NHSL2: variants seen among roughly 807,000 people sequenced by gnomAD.
NHSL2 encodes the protein NHS-like protein 2.
A neutral mutation model predicts 53.4 loss-of-function variants in NHSL2; 27 were observed. The observed-to-expected ratio is 0.51, with a 90% CI of 0.37 to 0.70. NHSL2 has a LOEUF of 0.70. NHSL2 is among the 30% of genes least tolerant of loss of function. The probability of loss-of-function intolerance (pLI) is 0.00; values close to 1 mark genes in which losing one functional copy is unlikely to be tolerated. For synonymous variants in NHSL2, 408 were observed against 404.1 expected (o/e 1.01, Z -0.12); for missense variants, 892 against 980.1 (o/e 0.91, Z 1.20).
chrX:72,063,434 A>G (rs1281892883), intron 1 of NHSL2, among the ~76,000 whole-genome samples: 1 of 112,006 alleles, frequency 8.9e-6, no homozygotes, highest in Non-Finnish European at 1.9e-5. Context: ...TTGATGAATG[A>G]TCACAAATTA....
intron 1 of NHSL2, among the ~76,000 whole-genome samples, chrX:71,953,296 C>G (rs2041829070): frequency 8.9e-6 from 1 of 112,145 alleles, no homozygotes. Context: ...ACCTGTGTCC[C>G]CCAGAGAGTG....
rs1376614627 is a variant in NHSL2 at position 72,138,783 on chromosome X, A to G, written c.1235A>G (p.Asn412Ser). 1 of 1,210,834 alleles carries G rather than the reference A, an allele frequency of 8.3e-7. No homozygotes were observed. The highest frequency in any genetic ancestry group is 3.0e-5 in the East Asian group (1 of 33,850). The change falls in exon 6 of 8, where the codon AAT becomes AGT. Residue 412 changes from asparagine to serine, a missense_variant. By Grantham distance (46) the Asn-to-Ser change is conservative (BLOSUM62 1). Transcript: ENST00000633930. ...PSATSQSNQVNENGKNPSCGN... is the reference protein window; with the variant it reads ...PSATSQSNQVSENGKNPSCGN... The stretch of plus-strand genomic sequence containing the variant: ...GCCACCAGCCAGAGCAATCAAGTCA[A>G]TGAAAATGGGAAAAATCCTTCCTGT...
At position 72,101,914 on chromosome X, in the gene NHSL2, G is replaced by A. The variant is rs1372073098; in HGVS notation, c.281-30165G>A. ...CTAGGAAGACAGAGCAGTGTCACAG[G>A]AAATCTAAGTCCCATGCACATGGTG... On this transcript the variant is annotated intron_variant, in intron 1 of 7. Transcript: ENST00000633930. 3.6e-5 allele frequency among the ~76,000 whole-genome samples: 4 copies of A among 111,627 alleles called. No individual in the cohort carries two copies. The East Asian group carries it at 1.1e-3, about 32-fold the overall frequency.
rs1347708656 is a variant in NHSL2 at position 71,970,095 on chromosome X, C to T, written c.280+58728C>T. 2.7e-5 allele frequency among the ~76,000 whole-genome samples: 3 copies of T among 111,814 alleles called. No individual in the cohort carries two copies. The South Asian group carries it at 1.1e-3, about 41-fold the overall frequency. On this transcript the variant is annotated intron_variant, in intron 1 of 7. Coordinates refer to ENST00000633930, the MANE Select transcript of NHSL2 (RefSeq NM_001013627.3). Reference sequence around the variant, plus strand: ...CAGATGTTAAACCAACTTAAAATTCCTGGGATAAATCTCTTTTGTTCATGT... The same window carrying T: ...CAGATGTTAAACCAACTTAAAATTCTTGGGATAAATCTCTTTTGTTCATGT...
chrX:72,086,679 AT>A (rs2041848307), intron 1 of NHSL2, among the ~76,000 whole-genome samples: 1 of 70,018 alleles, frequency 1.4e-5, no homozygotes, highest in African/African-American at 6.0e-5. Flanking sequence ...GTGAAACTCC[AT>A]CTCAAAAAAA....
intron 1 of NHSL2, among the ~76,000 whole-genome samples, chrX:72,019,745 C>G (rs2042151416): frequency 8.9e-6 from 1 of 111,931 alleles, no homozygotes; most frequent in Admixed American, 9.4e-5. Flanking sequence ...CCTCAGAGTT[C>G]TCACCTCTCT....
intron 1 of NHSL2, among the ~76,000 whole-genome samples, chrX:72,094,702 C>A (rs755807115): frequency 9.0e-6 from 1 of 111,093 alleles, no homozygotes; most frequent in Non-Finnish European, 1.9e-5. Flanking sequence ...GGATCTATTG[C>A]TTGAGTAACC....
At chrX:71,936,278 C>G (rs958802783) in intron 1 of NHSL2, among the ~76,000 whole-genome samples, 2 of 112,150 alleles carry the variant, frequency 1.8e-5, no homozygotes, top group Admixed American at 9.4e-5. Context: ...TTCCCCTGCT[C>G]TCTCCTGCTC....
chrX:72,125,556 G>C (rs1002710227), intron 1 of NHSL2, among the ~76,000 whole-genome samples: 1 of 111,843 alleles, frequency 8.9e-6, no homozygotes, highest in Non-Finnish European at 1.9e-5. Flanking sequence ...TGGAATCCAG[G>C]GTTCTTTTCC....
At chrX:71,922,675 A>G (rs2041665742) in intron 1 of NHSL2, among the ~76,000 whole-genome samples, 1 of 112,384 alleles carries the variant, frequency 8.9e-6, no homozygotes, top group Non-Finnish European at 1.9e-5. Context: ...AGGCTTCAGC[A>G]TCTTCAGAGG....
Position 71,945,126 on chromosome X carries a change from G to A in NHSL2, c.280+33759G>A, listed in dbSNP as rs184246000. 6.2e-3 allele frequency among the ~76,000 whole-genome samples: 696 copies of A among 112,164 alleles called. 6 individuals are homozygous for A. Among genetic ancestry groups the A allele is most frequent in the Non-Finnish European group, 9.1e-3 (482 of 53,223 alleles). On this transcript the variant is annotated intron_variant, in intron 1 of 7. Coordinates refer to ENST00000633930, the MANE Select transcript of NHSL2 (RefSeq NM_001013627.3). ...TTGAATGCCAACTCTGAGGCAGTTG[G>A]GGGGGTCATCCGTTGGGGAGTCCAG...
At position 72,148,285 on chromosome X, in the gene NHSL2, G is replaced by T. The variant is rs188116337; in HGVS notation, c.*4711G>T. On this transcript the variant is annotated 3_prime_UTR_variant, in exon 8 of 8. Transcript: ENST00000633930. ...AATCCATGTCCAATCAATGTCAGTC[G>T]TCCAGTATTGGTGGTGATTATTAAA... The T allele has an allele frequency of 7.1e-4, 80 of 111,960 alleles. No homozygotes were observed. The highest frequency in any genetic ancestry group is 2.5e-3 in the African/African-American group (78 of 30,872). 9.2% of individuals were successfully genotyped at this position (111,960 alleles called of 1,213,427 possible).
rs985831777 is a variant in NHSL2, at chrX:72,031,312, A to G, written c.281-100767A>G. Among the ~76,000 whole-genome samples, 10 of 111,054 alleles carry G rather than the reference A, an allele frequency of 9.0e-5. No homozygotes were observed. The South Asian group carries it at 1.5e-3, about 17-fold the overall frequency. ...CACACCTGTTTTGGATCCTGGTTCC[A>G]CCTCTTCCATGCTGTGTGATCTTGG... On this transcript the variant is annotated intron_variant, in intron 1 of 7. Coordinates refer to ENST00000633930, the MANE Select transcript of NHSL2 (RefSeq NM_001013627.3).
chrX:72,114,270 G>A (rs2042117895), intron 1 of NHSL2, among the ~76,000 whole-genome samples: 1 of 112,449 alleles, frequency 8.9e-6, no homozygotes, highest in African/African-American at 3.2e-5. Context: ...TAACAGAAAA[G>A]CATGACAATT....
chrX:71,937,288 G>A (rs2041743677), intron 1 of NHSL2, among the ~76,000 whole-genome samples: 2 of 111,561 alleles, frequency 1.8e-5, no homozygotes, highest in African/African-American at 6.5e-5. Flanking sequence ...CAGGGTGGAG[G>A]GAGAACCAGG....
chrX:72,029,694 C>T (rs1461687089), intron 1 of NHSL2, among the ~76,000 whole-genome samples: 1 of 112,971 alleles, frequency 8.9e-6, no homozygotes, highest in East Asian at 2.8e-4. Context: ...CCTGTCATTC[C>T]TTTGCAGAAC....
rs2042436002 is a variant in NHSL2, at chrX:72,143,460, T to C, written c.3564T>C (p.Thr1188=). 1 of 1,163,872 alleles carries C rather than the reference T, an allele frequency of 8.6e-7. No individual in the cohort carries two copies. The highest frequency in any genetic ancestry group is 1.1e-6 in the Non-Finnish European group (1 of 870,957). ...TACAGAAGAAGGGAAGTAAGGCAAC[T>C]CCAAGGTCTCGTCCCTCAGCAGCTG... The part of the protein sequence containing the change: ...ALLQKKGSKA[T]PRSRPSAAEL... Residue 1188 remains threonine (T), a synonymous_variant, in exon 8 of 8, where the codon ACT becomes ACC. Coordinates refer to ENST00000633930, the MANE Select transcript of NHSL2 (RefSeq NM_001013627.3).
chrX:72,026,924 G>A (rs1200480565), intron 1 of NHSL2, among the ~76,000 whole-genome samples: 1 of 112,424 alleles, frequency 8.9e-6, no homozygotes, highest in Non-Finnish European at 1.9e-5. Context: ...TTCCCCAAGT[G>A]TGCTACCTTT....
Position 72,130,374 on chromosome X carries a change from C to G in NHSL2, c.281-1705C>G, listed in dbSNP as rs1569482859. On this transcript the variant is annotated intron_variant, in intron 1 of 7. Coordinates refer to ENST00000633930, the MANE Select transcript of NHSL2 (RefSeq NM_001013627.3). ...CCTCCTCCTCCTCCTTCTCTTCCTT[C>G]TTCTTCATTTCTTCCTCCTTCTTCA... The G allele has an allele frequency of 5.1e-6, 6 of 1,174,463 alleles. No homozygotes were observed. Among genetic ancestry groups the G allele is most frequent in the Non-Finnish European group, 5.7e-6 (5 of 870,556 alleles).
Sources: allele counts gnomAD v4.1 joint callset (sites outside exome capture counted in the v4.1 genomes callset), GRCh38; gene constraint gnomAD v4.1.1; transcripts MANE v1.5; gene names NCBI Gene and HGNC (gene_info 2026-07-23, HGNC 2026-07-21).